NRXN1: variants seen among roughly 807,000 people sequenced by gnomAD.
NRXN1 encodes neurexin 1.
A neutral mutation model predicts 150.9 loss-of-function variants in NRXN1; 39 were observed. The ratio of observed to expected loss-of-function variants is 0.26; its 90% CI spans 0.20 to 0.34. The LOEUF is 0.34. Among genes scored for constraint, NRXN1 ranks in the 10% least tolerant of loss-of-function variants. NRXN1 has a pLI of 1.00. For missense variants in NRXN1, 1,815 were observed against 1,949.9 expected (o/e 0.93, Z 1.30); for synonymous variants, 924 against 757.0 (o/e 1.22, Z -3.62).
chr2:50,849,878 T>C (rs556312428), intron 5 of NRXN1, among the ~76,000 whole-genome samples: 18 of 152,218 alleles, frequency 1.2e-4, no homozygotes, highest in Non-Finnish European at 1.6e-4. Context: ...ACACACATCA[T>C]TGACACTTTA....
chr2:50,794,885 C>T (rs1706583120), intron 5 of NRXN1, among the ~76,000 whole-genome samples: 1 of 152,028 alleles, frequency 6.6e-6, no homozygotes, highest in South Asian at 2.1e-4. Flanking sequence ...ATTTTTCAGA[C>T]TCTTACAGTG....
At chr2:50,555,446 T>C (rs1668089593) in intron 8 of NRXN1, among the ~76,000 whole-genome samples, 1 of 151,808 alleles carries the variant, frequency 6.6e-6, no homozygotes, top group South Asian at 2.1e-4. Context: ...CAGGAAGATG[T>C]AAAAAAAATA....
intron 21 of NRXN1, among the ~76,000 whole-genome samples, chr2:49,948,873 A>G (rs1298387498): frequency 2.6e-5 from 4 of 151,944 alleles, no homozygotes; most frequent in African/African-American, 7.2e-5. Context: ...TTAGCTTTAC[A>G]TAACAGTCCA....
chr2:50,188,677 GA>G lies in NRXN1; in HGVS notation c.3546+48111del, dbSNP rs367633036. Among the ~76,000 whole-genome samples, 140 of 146,176 alleles carry G rather than the reference GA, an allele frequency of 9.6e-4. 2 individuals are homozygous for G. The East Asian group carries it at 0.015, about 16-fold the overall frequency. ...ACAAGGAACTTAAACAAATTTACAA[GA>G]AAAAAAAAACATCAAAAAGTGGATG... On this transcript the variant is annotated intron_variant, in intron 18 of 22. Coordinates refer to ENST00000401669, the MANE Select transcript of NRXN1 (RefSeq NM_001330078.2).
At chr2:50,336,029 C>T (rs139931066) in intron 17 of NRXN1, among the ~76,000 whole-genome samples, 19 of 152,160 alleles carry the variant, frequency 1.2e-4, no homozygotes, top group African/African-American at 4.3e-4. Flanking sequence ...CCTACAGAGG[C>T]CCTATTTCAC....
intron 7 of NRXN1, among the ~76,000 whole-genome samples, chr2:50,620,691 G>C (rs556243376): frequency 6.6e-6 from 1 of 152,152 alleles, no homozygotes; most frequent in African/African-American, 2.4e-5. Flanking sequence ...GCCAAAGGGA[G>C]AGAAAAGGCA....
intron 5 of NRXN1, among the ~76,000 whole-genome samples, chr2:50,892,329 T>C (rs964488188): frequency 1.3e-5 from 2 of 152,184 alleles, no homozygotes; most frequent in Non-Finnish European, 2.9e-5. Context: ...GTTGTGATGC[T>C]TCCTTTATCA....
At chr2:50,952,135 T>C (rs1465084339) in intron 2 of NRXN1, among the ~76,000 whole-genome samples, 3 of 150,820 alleles carry the variant, frequency 2.0e-5, no homozygotes, top group Admixed American at 6.6e-5. Context: ...CCCAGCTAAT[T>C]TTTTGTATTT....
At chr2:50,913,532 T>C (rs1574913462) in intron 5 of NRXN1, among the ~76,000 whole-genome samples, 1 of 151,848 alleles carries the variant, frequency 6.6e-6, no homozygotes, top group African/African-American at 2.4e-5. Context: ...ATTTTCTGAA[T>C]TATCTTATTC....
chr2:50,280,670 T>C (rs550204057), intron 17 of NRXN1, among the ~76,000 whole-genome samples: 14 of 152,240 alleles, frequency 9.2e-5, no homozygotes, highest in African/African-American at 2.2e-4. Context: ...GGTGATTACA[T>C]TGGTTAACAT....
At chr2:50,637,066 C>T (rs72835397) in intron 5 of NRXN1, among the ~76,000 whole-genome samples, 18,700 of 152,050 alleles carry the variant, frequency 0.12, 1,563 homozygotes, top group Admixed American at 0.19. Flanking sequence ...TTCAATTCCT[C>T]ACTTTATGGT....
chr2:50,556,575 C>A (rs1031656079), intron 8 of NRXN1, among the ~76,000 whole-genome samples: 103 of 151,326 alleles, frequency 6.8e-4, no homozygotes, highest in African/African-American at 2.5e-3. Flanking sequence ...GCTTCTTTCC[C>A]ATTTCTTCAA....
chr2:50,278,242 A>ATATATATGTATTATATAT (rs1553368219), intron 17 of NRXN1, among the ~76,000 whole-genome samples: 1 of 118,298 alleles, frequency 8.5e-6, no homozygotes, highest in Non-Finnish European at 1.6e-5. Flanking sequence ...TATATATATA[A>ATATATATGTATTATATAT]TATATATATA....
At chr2:50,323,545 T>A (rs2076184901) in intron 17 of NRXN1, among the ~76,000 whole-genome samples, 1 of 150,216 alleles carries the variant, frequency 6.7e-6, no homozygotes, top group African/African-American at 2.5e-5. Context: ...ATGAGAAGAC[T>A]GACAACGCAA....
At chr2:50,468,300 A>G (rs763584593) in intron 16 of NRXN1, among the ~76,000 whole-genome samples, 38 of 151,668 alleles carry the variant, frequency 2.5e-4, no homozygotes, top group Non-Finnish European at 4.7e-4. Context: ...AGCAACTCAG[A>G]GTACCTGCCA....
At chr2:50,091,678 C>G (rs1431708209) in intron 18 of NRXN1, among the ~76,000 whole-genome samples, 184 bp from the exon 19 acceptor site, 1 of 152,202 alleles carries the variant, frequency 6.6e-6, no homozygotes, top group Admixed American at 6.5e-5. Context: ...TTTAAGACAT[C>G]TCTTTCATGG....
chr2:50,976,350 T>C (rs1000137462), intron 2 of NRXN1, among the ~76,000 whole-genome samples: 11 of 151,946 alleles, frequency 7.2e-5, no homozygotes, highest in Non-Finnish European at 1.3e-4. Flanking sequence ...TTTTTTCCCT[T>C]GAAAATGATT....
At chr2:50,673,055 A>G (rs1173036001) in intron 5 of NRXN1, among the ~76,000 whole-genome samples, 2 of 152,078 alleles carry the variant, frequency 1.3e-5, no homozygotes, top group Non-Finnish European at 2.9e-5. Flanking sequence ...CAAAGCAGAC[A>G]ATAACAGTGG....
chr2:50,712,558 A>T (rs1695316867), intron 5 of NRXN1, among the ~76,000 whole-genome samples: 1 of 152,118 alleles, frequency 6.6e-6, no homozygotes, highest in African/African-American at 2.4e-5. Flanking sequence ...GGCTTTTTAG[A>T]TACGTTATCT....
Sources: allele counts gnomAD v4.1 joint callset (sites outside exome capture counted in the v4.1 genomes callset), GRCh38; gene constraint gnomAD v4.1.1; transcripts MANE v1.5; gene names NCBI Gene and HGNC (gene_info 2026-07-23, HGNC 2026-07-21).